Variants in THSD7A observed in about 807,000 individuals in gnomAD.
The protein encoded by THSD7A is thrombospondin type 1 domain containing 7A, also known as thrombospondin type-1 domain-containing protein 7A.
A neutral mutation model predicts 231.3 loss-of-function variants in THSD7A; 96 were observed. The observed-to-expected ratio is 0.41, with a 90% CI of 0.35 to 0.49. The LOEUF (loss-of-function observed/expected upper bound fraction) is 0.49. THSD7A is among the 20% of genes least tolerant of loss of function. The probability of loss-of-function intolerance (pLI) is 0.05; values close to 1 mark genes in which losing one functional copy is unlikely to be tolerated. For synonymous variants in THSD7A, 940 were observed against 743.3 expected, an observed-to-expected ratio of 1.26 and a Z score of -4.30; for missense variants, 2,290 against 2,070.2, an observed-to-expected ratio of 1.11 and a Z score of -2.06.
chr7:11,465,685 T>A (rs1286047516), intron 9 of THSD7A, among the ~76,000 whole-genome samples: 6 of 152,102 alleles, frequency 3.9e-5, no homozygotes, highest in Admixed American at 3.9e-4. Context: ...AGTATTCAGA[T>A]CTTTGGTGGT....
intron 1 of THSD7A, among the ~76,000 whole-genome samples, chr7:11,737,459 A>T (rs1308061725): frequency 6.6e-6 from 1 of 152,040 alleles, no homozygotes; most frequent in Admixed American, 6.6e-5. Context: ...TTCTGATGCC[A>T]TGCCTGTGCC....
At chr7:11,819,578 G>C (rs1232734353) in intron 1 of THSD7A, among the ~76,000 whole-genome samples, 1 of 152,180 alleles carries the variant, frequency 6.6e-6, no homozygotes, top group African/African-American at 2.4e-5. Context: ...GCTACATACG[G>C]TATGATTCCA....
At chr7:11,483,153 C>G (rs542526295) in intron 6 of THSD7A, among the ~76,000 whole-genome samples, 3 of 152,280 alleles carry the variant, frequency 2.0e-5, no homozygotes, top group African/African-American at 7.2e-5. Context: ...ACAGAGGCTA[C>G]TGAACAAAAT....
At chr7:11,736,968 C>T (rs181837284) in intron 1 of THSD7A, among the ~76,000 whole-genome samples, 2 of 152,088 alleles carry the variant, frequency 1.3e-5, no homozygotes, top group East Asian at 3.9e-4. Context: ...AAGACTTCCT[C>T]CTTCTCTGGG....
chr7:11,448,363 T>C (rs1390653684), intron 11 of THSD7A, among the ~76,000 whole-genome samples: 2 of 152,124 alleles, frequency 1.3e-5, no homozygotes, highest in Non-Finnish European at 2.9e-5. Flanking sequence ...TTCCATTGGT[T>C]TTAAAAACAA....
chr7:11,804,446 AAGAACACACTTCTTGATACAAAT>A (rs1458435574), intron 1 of THSD7A, among the ~76,000 whole-genome samples: 1 of 152,188 alleles, frequency 6.6e-6, no homozygotes, highest in African/African-American at 2.4e-5. Context: ...CAACAACAAA[AAGAACACACTTCTTGATACAAAT>A]AGACGTTAAA....
intron 1 of THSD7A, among the ~76,000 whole-genome samples, chr7:11,793,419 T>C (rs999868165): frequency 6.6e-6 from 1 of 151,726 alleles, no homozygotes; most frequent in Admixed American, 6.6e-5. Flanking sequence ...TCAGAATAAT[T>C]TTCTTAGAAA....
intron 1 of THSD7A, among the ~76,000 whole-genome samples, chr7:11,817,787 A>C (rs1287127435): frequency 6.6e-6 from 1 of 152,148 alleles, no homozygotes; most frequent in African/African-American, 2.4e-5. Context: ...TAAAAGACAG[A>C]GATTAGAAAT....
chr7:11,818,105 T>C (rs1179014387), intron 1 of THSD7A, among the ~76,000 whole-genome samples: 1 of 152,228 alleles, frequency 6.6e-6, no homozygotes, highest in Non-Finnish European at 1.5e-5. Context: ...ATTTGTGTTC[T>C]GATACCACTT....
intron 26 of THSD7A, chr7:11,378,814 C>G: frequency 2.5e-6 from 1 of 405,686 alleles, no homozygotes; most frequent in Non-Finnish European, 4.4e-6. Context: ...AATTTTTGGA[C>G]TGGAATTGAA....
chr7:11,715,073 T>C (rs1781092400), intron 1 of THSD7A, among the ~76,000 whole-genome samples: 1 of 151,372 alleles, frequency 6.6e-6, no homozygotes, highest in African/African-American at 2.4e-5. Context: ...TCAGTAAAAG[T>C]TGGATCAGGA....
intron 2 of THSD7A, among the ~76,000 whole-genome samples, chr7:11,630,159 A>C (rs905045192): frequency 2.0e-5 from 3 of 152,230 alleles, no homozygotes; most frequent in African/African-American, 7.2e-5. Flanking sequence ...CTGGAAAGCA[A>C]TCCTAAAACA....
In THSD7A at chr7:11,406,180, G is replaced by T; in HGVS notation, c.4237+120C>A. 4.9e-6 allele frequency: 5 copies of T among 1,020,032 alleles called. No individual in the cohort carries two copies. Among genetic ancestry groups the T allele is most frequent in the Non-Finnish European group, 7.1e-6 (5 of 703,750 alleles). The allele number at this position is 1,020,032 out of a possible 1,614,324, so 63.2% of individuals were successfully genotyped here. On this transcript the variant is annotated intron_variant, in intron 22 of 27. Coordinates refer to ENST00000423059, the MANE Select transcript of THSD7A (RefSeq NM_015204.3). This position sits in a 1 kb window ranked among gnomAD's most constrained non-coding sequence, Gnocchi z 4.7. ...GGCATAGTGTTGAGCTGTTGGCATA[G>T]ATATTACTGAATAAGAAGACTGTTG...
rs538295111 is a variant in THSD7A at position 11,820,595 on chromosome 7, C to G, written c.190+11162G>C. 3.9e-4 allele frequency: 285 copies of G among 728,794 alleles called. 2 individuals carry two copies. In the African/African-American group the frequency reaches 4.6e-3, roughly 12 times the overall value. 45.1% of individuals were successfully genotyped at this position (728,794 alleles called of 1,614,324 possible). A position where few individuals can be genotyped will look rare whatever the true frequency, so the allele number is the denominator to read the frequency against. On this transcript the variant is annotated intron_variant, in intron 1 of 27. Coordinates refer to ENST00000423059, the MANE Select transcript of THSD7A (RefSeq NM_015204.3). ...TGTTCCCAGAGTAGTTGCCTCTGTC[C>G]TGGCCTCTTCCTCTGGCTTGAAATT... is the stretch of plus-strand genomic sequence containing the variant.
At chr7:11,600,126 C>G (rs1028902748) in intron 2 of THSD7A, among the ~76,000 whole-genome samples, 1 of 151,804 alleles carries the variant, frequency 6.6e-6, no homozygotes, top group African/African-American at 2.4e-5. Context: ...TATATATGGC[C>G]TATTAGTTCT....
chr7:11,809,470 C>G (rs1455101964), intron 1 of THSD7A, among the ~76,000 whole-genome samples: 1 of 152,114 alleles, frequency 6.6e-6, no homozygotes, highest in Non-Finnish European at 1.5e-5. Context: ...TCACAAGGAC[C>G]TTTCTTTTTT....
chr7:11,392,504 A>G (rs1236908797), intron 23 of THSD7A, among the ~76,000 whole-genome samples: 1 of 152,086 alleles, frequency 6.6e-6, no homozygotes, highest in Non-Finnish European at 1.5e-5. Flanking sequence ...TTCATACCCA[A>G]GTGGGGCCTG....
At chr7:11,388,886 G>T (rs149768518) in intron 23 of THSD7A, among the ~76,000 whole-genome samples, 3 of 152,122 alleles carry the variant, frequency 2.0e-5, no homozygotes, top group Non-Finnish European at 4.4e-5. Context: ...TCAGGAGCAG[G>T]TTGTTCAGTT....
At chr7:11,577,348 G>T (rs889062263) in intron 4 of THSD7A, among the ~76,000 whole-genome samples, 4 of 152,006 alleles carry the variant, frequency 2.6e-5, no homozygotes, top group African/African-American at 9.7e-5. Flanking sequence ...GACAGAGTCT[G>T]CTCTGTCACC....
Sources: gnomAD v4.1 joint callset for allele counts (sites outside exome capture counted in the v4.1 genomes callset) on GRCh38, gnomAD v4.1.1 for gene constraint, Gnocchi (gnomAD v3.1) non-coding constraint, MANE v1.5 for transcripts, NCBI Gene and HGNC (gene_info 2026-07-23, HGNC 2026-07-21) for gene names.